Variants in TNIK observed in about 807,000 individuals in gnomAD.
The protein encoded by TNIK is TRAF2 and NCK-interacting protein kinase.
In TNIK, 49 loss-of-function variants were observed where a neutral mutation model predicts 191.3. The ratio of observed to expected loss-of-function variants is 0.26; its 90% CI spans 0.20 to 0.32. The LOEUF is 0.32. Ranked by LOEUF, TNIK falls within the 10% of genes least tolerant of loss-of-function variation. The pLI is 1.00. For missense variants in TNIK, 1,155 were observed against 1,702.3 expected (o/e 0.68, Z 5.66); for synonymous variants, 594 against 600.9 (o/e 0.99, Z 0.17).
At chr3:171,160,863 C>A (rs1046989791) in intron 11 of TNIK, among the ~76,000 whole-genome samples, 1 of 152,134 alleles carries the variant, frequency 6.6e-6, no homozygotes, top group African/African-American at 2.4e-5. Flanking sequence ...CAGTGGCTAC[C>A]CGAATGGGCT....
At chr3:171,133,503 A>C (rs946582837) in intron 15 of TNIK, among the ~76,000 whole-genome samples, 2 of 152,206 alleles carry the variant, frequency 1.3e-5, no homozygotes, top group Non-Finnish European at 2.9e-5. Flanking sequence ...TGGCACGTGC[A>C]TATTCATTAT....
chr3:171,244,302 T>A (rs1745345186), intron 2 of TNIK, among the ~76,000 whole-genome samples: 1 of 152,106 alleles, frequency 6.6e-6, no homozygotes, highest in Non-Finnish European at 1.5e-5. Flanking sequence ...TCTGACCTCG[T>A]GATCCACCCA....
chr3:171,239,656 T>C (rs1046482576), intron 2 of TNIK, among the ~76,000 whole-genome samples: 5 of 152,254 alleles, frequency 3.3e-5, no homozygotes, highest in African/African-American at 1.2e-4. Flanking sequence ...ACAGACTGCA[T>C]TTGCGATTGT....
At chr3:171,438,974 T>C (rs1272502123) in intron 1 of TNIK, among the ~76,000 whole-genome samples, 2 of 152,214 alleles carry the variant, frequency 1.3e-5, no homozygotes, top group African/African-American at 4.8e-5. Flanking sequence ...ACAGTAGTTC[T>C]ACCATTAGAA....
chr3:171,071,870 C>G (rs143358836), intron 28 of TNIK, among the ~76,000 whole-genome samples: 1 of 152,044 alleles, frequency 6.6e-6, no homozygotes, highest in African/African-American at 2.4e-5. Flanking sequence ...TAAAGGGCTA[C>G]GAATACTGAC....
intron 2 of TNIK, among the ~76,000 whole-genome samples, chr3:171,250,166 C>T (rs1746071782): frequency 6.6e-6 from 1 of 152,190 alleles, no homozygotes; most frequent in South Asian, 2.1e-4. Flanking sequence ...TACTTCAGTC[C>T]ATACTGATTA....
chr3:171,138,207 G>A lies in TNIK; in HGVS notation c.1592C>T (p.Pro531Leu). ...YKEGMSPSEKPAWAKEVEERS... is the reference protein window; with the variant it reads ...YKEGMSPSEKLAWAKEVEERS... ...CTTACTTACCTCCTTGGCCCATGCTGGCTTCTCACTAGGACTCATTCCTTC... is the reference window on the plus strand; with the variant it reads ...CTTACTTACCTCCTTGGCCCATGCTAGCTTCTCACTAGGACTCATTCCTTC... Residue 531 changes from proline to leucine, a missense_variant, in exon 15 of 33, where the codon CCA (proline) becomes CTA (leucine). By Grantham distance (98) the Pro-to-Leu change is moderately conservative (BLOSUM62 -3). This residue lies in a region of TNIK where 735 missense variants were observed against 848.0 expected (regional missense o/e 0.87). Coordinates refer to ENST00000436636, the MANE Select transcript of TNIK (RefSeq NM_015028.4). 6.2e-7 allele frequency: 1 copy of A among 1,603,542 alleles called. No homozygotes were observed. The highest frequency in any genetic ancestry group is 8.5e-7 in the Non-Finnish European group (1 of 1,176,488).
intron 21 of TNIK, among the ~76,000 whole-genome samples, chr3:171,104,118 G>A (rs1405582661): frequency 6.6e-6 from 1 of 152,032 alleles, no homozygotes; most frequent in Non-Finnish European, 1.5e-5. Context: ...ACATATACCA[G>A]AATCCCTATG....
Position 171,147,655 on chromosome 3 carries a change from C to T in TNIK, c.1222-7146G>A, listed in dbSNP as rs113979438. On this transcript the variant is annotated intron_variant, in intron 12 of 32. Coordinates refer to ENST00000436636, the MANE Select transcript of TNIK (RefSeq NM_015028.4). ...CTATATGCATAATGAAGAACACTTA[C>T]GTAGTGCAGCCTATGATGCCAAGCA... Among the ~76,000 whole-genome samples, 437 of 152,258 alleles carry T rather than the reference C, an allele frequency of 2.9e-3. 2 individuals are homozygous for T. The highest frequency in any genetic ancestry group is 9.8e-3 in the African/African-American group (409 of 41,536).
intron 3 of TNIK, among the ~76,000 whole-genome samples, chr3:171,226,937 CTTAT>C (rs994412300): frequency 5.9e-5 from 9 of 151,970 alleles, no homozygotes; most frequent in Admixed American, 2.0e-4. Flanking sequence ...GTGTGTCTTT[CTTAT>C]TTATTTATTT....
chr3:171,391,830 A>C (rs990399185), intron 1 of TNIK, among the ~76,000 whole-genome samples: 5 of 152,220 alleles, frequency 3.3e-5, no homozygotes, highest in African/African-American at 1.2e-4. Context: ...CCTTTCCTAT[A>C]GTATATAACA....
chr3:171,251,573 A>G (rs149223971), intron 2 of TNIK, among the ~76,000 whole-genome samples: 1 of 152,308 alleles, frequency 6.6e-6, no homozygotes, highest in Non-Finnish European at 1.5e-5. Context: ...TTTTCATCTA[A>G]CTTAGACCCA....
At chr3:171,235,940 A>T (rs894155663) in intron 2 of TNIK, among the ~76,000 whole-genome samples, 1 of 152,166 alleles carries the variant, frequency 6.6e-6, no homozygotes, top group Admixed American at 6.5e-5. Context: ...ATAGCCCTTA[A>T]TAACTTAAAA....
intron 1 of TNIK, among the ~76,000 whole-genome samples, chr3:171,398,721 T>G (rs539394201): frequency 6.6e-6 from 1 of 152,312 alleles, no homozygotes; most frequent in Admixed American, 6.5e-5. Flanking sequence ...GTCACTGAGG[T>G]AGGGGCATTC....
chr3:171,347,228 AAAAAAAAAG>A (rs1712360479), intron 2 of TNIK: 3 of 1,526,114 alleles, frequency 2.0e-6, no homozygotes, highest in Non-Finnish European at 1.7e-6. Context: ...GCTGAAAAAA[AAAAAAAAAG>A]AAAAGAAAAA....
chr3:171,352,288 C>T (rs1577593672), intron 2 of TNIK, among the ~76,000 whole-genome samples: 1 of 152,178 alleles, frequency 6.6e-6, no homozygotes, highest in South Asian at 2.1e-4. Context: ...GCATTAAAAA[C>T]TCCAGACAAT....
chr3:171,197,344 A>C (rs190209971), intron 4 of TNIK, among the ~76,000 whole-genome samples: 12 of 152,294 alleles, frequency 7.9e-5, no homozygotes. Context: ...TAGATTTAGC[A>C]ATGGCTTCTT....
chr3:171,415,807 C>G (rs1413060273), intron 1 of TNIK, among the ~76,000 whole-genome samples: 2 of 151,178 alleles, frequency 1.3e-5, no homozygotes, highest in South Asian at 2.1e-4. Flanking sequence ...ATGGTGAAAC[C>G]CTGTCTCTAC....
In TNIK at chr3:171,128,736, A is replaced by T. The variant is rs759507285; in HGVS notation, c.1751T>A (p.Met584Lys). The change falls in exon 16 of 33, where the codon ATG (methionine) becomes AAG (lysine). Residue 584 changes from methionine (M) to lysine (K), a missense_variant. Met to Lys is a moderately conservative substitution (Grantham distance 95). Transcript: ENST00000436636. Reference sequence around the variant, plus strand: ...TACCTGGGGATCGACTGGTCTGAGCATGGGGGGTGTTCGAGCAGGCTGAAC... The same window carrying T: ...TACCTGGGGATCGACTGGTCTGAGCTTGGGGGGTGTTCGAGCAGGCTGAAC... ...SGVQPARTPPMLRPVDPQIPH... is the reference protein window; with the variant it reads ...SGVQPARTPPKLRPVDPQIPH... 2 of 1,613,594 alleles carry T rather than the reference A, an allele frequency of 1.2e-6. No homozygotes were observed. The highest frequency in any genetic ancestry group is 8.5e-7 in the Non-Finnish European group (1 of 1,179,840).
Sources: allele counts gnomAD v4.1 joint callset (sites outside exome capture counted in the v4.1 genomes callset), GRCh38; gene constraint gnomAD v4.1.1; regional missense constraint gnomAD v4.1.1; transcripts MANE v1.5; gene names NCBI Gene and HGNC (gene_info 2026-07-23, HGNC 2026-07-21).